Variants in DOK5 observed in about 807,000 individuals in gnomAD.
DOK5 encodes downstream of tyrosine kinase 5.
In DOK5, 27 loss-of-function variants were observed where a neutral mutation model predicts 43.3. The observed-to-expected ratio is 0.62, with a 90% CI of 0.46 to 0.86. DOK5 has a LOEUF of 0.86. DOK5 is among the 40% of genes least tolerant of loss of function. DOK5 has a pLI of 0.00. For synonymous variants in DOK5, 146 were observed against 140.1 expected, an observed-to-expected ratio of 1.04 and a Z score of -0.30; for missense variants, 373 against 392.9, an observed-to-expected ratio of 0.95 and a Z score of 0.43.
chr20:54,555,983 G>A (rs78210149), intron 2 of DOK5, among the ~76,000 whole-genome samples: 2,157 of 152,216 alleles, frequency 0.014, 53 homozygotes, highest in African/African-American at 0.05. Flanking sequence ...GTGACTTTTC[G>A]ACACCTTATA....
chr20:54,481,172 A>ATCTATCTATCTATCTATCTATCTC (rs1555822412), intron 1 of DOK5, among the ~76,000 whole-genome samples: 1 of 148,854 alleles, frequency 6.7e-6, no homozygotes, highest in African/African-American at 2.5e-5. Flanking sequence ...CTATCTATCT[A>ATCTATCTATCTATCTATCTATCTC]TCTATCTATA....
Position 54,610,473 on chromosome 20 carries a change from G to C in DOK5, c.685G>C (p.Ala229Pro), listed in dbSNP as rs1461114986. 6.3e-7 allele frequency: 1 copy of C among 1,581,686 alleles called. No homozygotes were observed. Among genetic ancestry groups the C allele is most frequent in the East Asian group, 2.3e-5 (1 of 43,258 alleles). Reference protein sequence around the residue: ...IYQKVHSAALAIAEQHERLLQ... With the variant: ...IYQKVHSAALPIAEQHERLLQ... ...TCAGAAAGTCCACTCTGCTGCCTTG[G>C]CCATAGCCGAGCAGCACGAGCGCTT... Residue 229 changes from alanine (A) to proline (P), a missense_variant, in exon 6 of 8, where the codon GCC becomes CCC. Coordinates refer to ENST00000262593, the MANE Select transcript of DOK5 (RefSeq NM_018431.5).
chr20:54,500,803 CG>C (rs1183357156), intron 1 of DOK5, among the ~76,000 whole-genome samples: 6 of 152,056 alleles, frequency 3.9e-5, no homozygotes, highest in Non-Finnish European at 8.8e-5. Context: ...TCAGGTGATT[CG>C]CCTGTCTCAG....
intron 5 of DOK5, among the ~76,000 whole-genome samples, chr20:54,607,707 A>AC (rs1325919936): frequency 6.6e-6 from 1 of 151,628 alleles, no homozygotes; most frequent in East Asian, 1.9e-4. Flanking sequence ...AAATGGTGAA[A>AC]CCCCACCTCT....
At chr20:54,497,484 A>G (rs1410630982) in intron 1 of DOK5, among the ~76,000 whole-genome samples, 1 of 152,222 alleles carries the variant, frequency 6.6e-6, no homozygotes, top group Admixed American at 6.5e-5. Context: ...GTGGAAGGTT[A>G]AAAGGTGGCA....
At chr20:54,622,387 A>T (rs980847529) in intron 6 of DOK5, among the ~76,000 whole-genome samples, 3 of 152,152 alleles carry the variant, frequency 2.0e-5, no homozygotes, top group African/African-American at 7.2e-5. Context: ...TCATTTTCTC[A>T]GCACTTCTGT....
At chr20:54,601,142 A>T (rs1986286998) in intron 5 of DOK5, among the ~76,000 whole-genome samples, 1 of 152,256 alleles carries the variant, frequency 6.6e-6, no homozygotes, top group Admixed American at 6.5e-5. Flanking sequence ...AAGACTGCAG[A>T]GAAAGGGTGC....
At chr20:54,483,340 T>C (rs1413692161) in intron 1 of DOK5, among the ~76,000 whole-genome samples, 6 of 152,264 alleles carry the variant, frequency 3.9e-5, no homozygotes, top group African/African-American at 1.4e-4. Flanking sequence ...TTAGTTTTCA[T>C]TGGAATATAT....
chr20:54,643,821 T>C (rs1231124160), intron 7 of DOK5, among the ~76,000 whole-genome samples: 1 of 152,188 alleles, frequency 6.6e-6, no homozygotes. Flanking sequence ...ATGAAGATTC[T>C]TGGGTTTCAT....
At chr20:54,590,156 G>A (rs1425569704) in intron 4 of DOK5, among the ~76,000 whole-genome samples, 1 of 152,142 alleles carries the variant, frequency 6.6e-6, no homozygotes, top group Non-Finnish European at 1.5e-5. Flanking sequence ...TTTAAAAATT[G>A]GCGGTGCGTA....
At chr20:54,618,122 C>T (rs888024357) in intron 6 of DOK5, among the ~76,000 whole-genome samples, 2 of 152,128 alleles carry the variant, frequency 1.3e-5, no homozygotes, top group Admixed American at 1.3e-4. Context: ...GATCCCTGAC[C>T]TGGAAGGAAT....
At chr20:54,623,801 G>A (rs974311005) in intron 6 of DOK5, among the ~76,000 whole-genome samples, 9 of 152,090 alleles carry the variant, frequency 5.9e-5, no homozygotes, top group Non-Finnish European at 8.8e-5. Flanking sequence ...AGATGGTCTC[G>A]ATCTCCTGAC....
intron 5 of DOK5, among the ~76,000 whole-genome samples, chr20:54,605,862 A>T (rs1413252709): frequency 6.6e-6 from 1 of 152,222 alleles, no homozygotes; most frequent in African/African-American, 2.4e-5. Context: ...TTACTTCAAG[A>T]TGTAATTGTG....
At chr20:54,526,502 T>C (rs541503767) in intron 1 of DOK5, among the ~76,000 whole-genome samples, 151 of 152,322 alleles carry the variant, frequency 9.9e-4, no homozygotes, top group African/African-American at 2.7e-3. Flanking sequence ...GGAGTTGTGA[T>C]TGTCTTCTTA....
At chr20:54,633,857 G>A (rs904667447) in intron 6 of DOK5, among the ~76,000 whole-genome samples, 8 of 152,178 alleles carry the variant, frequency 5.3e-5, no homozygotes, top group African/African-American at 1.9e-4. Context: ...CACAAAGACG[G>A]CATATGGTAC....
intron 6 of DOK5, among the ~76,000 whole-genome samples, chr20:54,624,497 G>A (rs139891819): frequency 3.4e-4 from 52 of 152,252 alleles, no homozygotes; most frequent in African/African-American, 1.2e-3. Flanking sequence ...GATCAAATAA[G>A]TTATTGTGTG....
chr20:54,575,485 G>C (rs931697634), intron 2 of DOK5, among the ~76,000 whole-genome samples: 1 of 152,172 alleles, frequency 6.6e-6, no homozygotes, highest in South Asian at 2.1e-4. Flanking sequence ...CTGTCACCCA[G>C]GCTGGAGTGC....
chr20:54,585,371 C>G (rs1985770730), intron 2 of DOK5, among the ~76,000 whole-genome samples: 1 of 152,186 alleles, frequency 6.6e-6, no homozygotes, highest in Non-Finnish European at 1.5e-5. Flanking sequence ...CTGACTCATA[C>G]AATTCCCCCT....
At chr20:54,490,867 C>T (rs995336102) in intron 1 of DOK5, among the ~76,000 whole-genome samples, 4 of 152,242 alleles carry the variant, frequency 2.6e-5, no homozygotes, top group African/African-American at 7.2e-5. Flanking sequence ...GGATTACAGG[C>T]GTGAGCCACC....
Sources: allele counts gnomAD v4.1 joint callset (sites outside exome capture counted in the v4.1 genomes callset), GRCh38; gene constraint gnomAD v4.1.1; transcripts MANE v1.5; gene names NCBI Gene and HGNC (gene_info 2026-07-23, HGNC 2026-07-21).